ATG3: variants seen among roughly 807,000 people sequenced by gnomAD.
ATG3 encodes ubiquitin-like-conjugating enzyme ATG3.
Under a neutral mutation model 50.7 loss-of-function variants are expected in ATG3, and 25 were observed. The observed-to-expected ratio is 0.49, with a 90% confidence interval of 0.36 to 0.69. The LOEUF (loss-of-function observed/expected upper bound fraction) is 0.69. Among genes scored for constraint, ATG3 ranks in the 30% least tolerant of loss-of-function variants. ATG3 has a pLI of 0.00. For missense variants in ATG3, 281 were observed against 376.0 expected, an observed-to-expected ratio of 0.75 and a Z score of 2.09; for synonymous variants, 119 against 125.5, an observed-to-expected ratio of 0.95 and a Z score of 0.34.
At chr3:112,549,219 G>A (rs1399250829) in intron 4 of ATG3, among the ~76,000 whole-genome samples, 1 of 152,124 alleles carries the variant, frequency 6.6e-6, no homozygotes, top group Non-Finnish European at 1.5e-5. Flanking sequence ...TCAATTAACA[G>A]GTATTATTAT....
In ATG3 at chr3:112,537,774, A is replaced by G. The variant is rs1479602212; in HGVS notation, c.627T>C (p.Tyr209=). Residue 209 remains tyrosine, a synonymous_variant, in exon 9 of 12, where the codon TAT becomes TAC. Coordinates refer to ENST00000283290, the MANE Select transcript of ATG3 (RefSeq NM_022488.5). ...TYDLYITYDK[Y]YQTPRLWLFG... is the part of the protein sequence containing the mutation. ...ACAACCATAATCGTGGAGTCTGGTA[A>G]TATTTATCATAAGTGATGTAAAGGT... 1 of 1,605,292 alleles carries G rather than the reference A, an allele frequency of 6.2e-7. No individual in the cohort carries two copies. Among genetic ancestry groups the G allele is most frequent in the South Asian group, 1.1e-5 (1 of 88,152 alleles).
chr3:112,556,842 GTCA>G (rs1183783053), intron 2 of ATG3, among the ~76,000 whole-genome samples: 1 of 151,928 alleles, frequency 6.6e-6, no homozygotes, highest in Non-Finnish European at 1.5e-5. Flanking sequence ...CTCGTTAAGA[GTCA>G]TCACCACTCC....
At chr3:112,533,716 G>C (rs1301502664) in intron 11 of ATG3, 3 of 985,048 alleles carry the variant, frequency 3.0e-6, no homozygotes, top group Non-Finnish European at 3.6e-6. Context: ...AGTTTGCTTG[G>C]GCATTAACTT....
intron 2 of ATG3, among the ~76,000 whole-genome samples, chr3:112,554,699 C>T (rs2705554): frequency 0.98 from 149,625 of 152,358 alleles, 73,477 homozygotes; most frequent in Admixed American, 0.99. Context: ...CATGGGTTTA[C>T]TACACAGCAA....
At chr3:112,550,052 CTA>C (rs1356919143) in intron 4 of ATG3, 138 bp downstream of exon 4, 3 of 573,340 alleles carry the variant, frequency 5.2e-6, no homozygotes, top group Non-Finnish European at 6.0e-6. Context: ...ATCTTGACAA[CTA>C]TATGTTTTTG....
At chr3:112,561,182 C>G (rs888645621) in intron 1 of ATG3, among the ~76,000 whole-genome samples, 3 of 152,206 alleles carry the variant, frequency 2.0e-5, no homozygotes, top group Non-Finnish European at 2.9e-5. Flanking sequence ...CCTCCGAACA[C>G]CCTTCCAACC....
chr3:112,559,130 A>T (rs912001303), intron 1 of ATG3, among the ~76,000 whole-genome samples: 2 of 152,234 alleles, frequency 1.3e-5, no homozygotes, highest in African/African-American at 4.8e-5. Flanking sequence ...TTTACAGCAC[A>T]GCAAAAATGT....
chr3:112,535,273 GCA>G (rs1932997053), intron 10 of ATG3: 1 of 152,090 alleles, frequency 6.6e-6, no homozygotes, highest in African/African-American at 2.4e-5. Flanking sequence ...GGATTTGAAG[GCA>G]CAATCTGAGG....
At chr3:112,545,592 T>G (rs187364886) in intron 5 of ATG3, among the ~76,000 whole-genome samples, 2 of 152,238 alleles carry the variant, frequency 1.3e-5, no homozygotes, top group Non-Finnish European at 2.9e-5. Context: ...TACTATATAA[T>G]AGGTATGACT....
intron 1 of ATG3, among the ~76,000 whole-genome samples, chr3:112,559,473 G>A (rs1933780313): frequency 6.6e-6 from 1 of 152,202 alleles, no homozygotes; most frequent in Non-Finnish European, 1.5e-5. Flanking sequence ...AACTCCAGTT[G>A]AGGAAGAAAA....
intron 7 of ATG3, among the ~76,000 whole-genome samples, chr3:112,540,668 T>C (rs949266156): frequency 6.7e-6 from 1 of 148,622 alleles, no homozygotes; most frequent in Non-Finnish European, 1.5e-5. Context: ...TAACATTTAA[T>C]AGCTGAGGGA....
chr3:112,551,462 G>A (rs1374699592), intron 3 of ATG3, among the ~76,000 whole-genome samples: 1 of 152,198 alleles, frequency 6.6e-6, no homozygotes, highest in Non-Finnish European at 1.5e-5. Context: ...TTAGCCAAAA[G>A]TGTGGACACT....
At chr3:112,538,710 C>G (rs1047461180) in intron 7 of ATG3, among the ~76,000 whole-genome samples, 6 of 152,188 alleles carry the variant, frequency 3.9e-5, no homozygotes, top group African/African-American at 1.4e-4. Flanking sequence ...ACCAAGGGCT[C>G]AGTTTCTGGA....
In ATG3 at chr3:112,557,596, G is replaced by A. The variant is rs562891015; in HGVS notation, c.114+780C>T. 7.2e-5 allele frequency among the ~76,000 whole-genome samples: 11 copies of A among 152,220 alleles called. No individual in the cohort carries two copies. In the South Asian group the frequency reaches 2.1e-3, roughly 29 times the overall value. ...TCGCGCCACTGTGCTCCAGCCTGGT[G>A]ACAGAGGGAGACTCCGTCTCAAGAA... is the stretch of plus-strand genomic sequence containing the variant. On this transcript the variant is annotated intron_variant, in intron 2 of 11. Coordinates refer to ENST00000283290, the MANE Select transcript of ATG3 (RefSeq NM_022488.5).
chr3:112,558,812 C>T (rs899049358), intron 1 of ATG3, among the ~76,000 whole-genome samples: 15 of 151,866 alleles, frequency 9.9e-5, no homozygotes, highest in African/African-American at 3.1e-4. Context: ...TCTTGGCTCA[C>T]GGCAACCTCC....
chr3:112,561,334 T>A, intron 1 of ATG3, 123 bp downstream of exon 1: 1 of 975,196 alleles, frequency 1.0e-6, no homozygotes. Flanking sequence ...CTTCCCTGTG[T>A]CTCGAGCCCT....
chr3:112,558,537 T>A, intron 1 of ATG3, 120 bp from the exon 2 acceptor site: 1 of 731,074 alleles, frequency 1.4e-6, no homozygotes, highest in East Asian at 2.5e-5. Flanking sequence ...AAAAAAAAAT[T>A]AGTCTATCTA....
chr3:112,548,186 T>C (rs112654227), intron 5 of ATG3, among the ~76,000 whole-genome samples: 2,458 of 152,174 alleles, frequency 0.016, 62 homozygotes, highest in African/African-American at 0.056. Flanking sequence ...ACCCCATCTC[T>C]ACTAAAAATA....
chr3:112,536,105 T>A, intron 10 of ATG3: 1 of 210,252 alleles, frequency 4.8e-6, no homozygotes. Flanking sequence ...CAGTCTACAT[T>A]CACAGAAAGG....
Sources: allele counts gnomAD v4.1 joint callset (sites outside exome capture counted in the v4.1 genomes callset), GRCh38; gene constraint gnomAD v4.1.1; transcripts MANE v1.5; gene names NCBI Gene and HGNC (gene_info 2026-07-23, HGNC 2026-07-21).